The following RBFOX3 variants were observed in gnomAD, a reference collection of about 807,000 sequenced individuals.
RBFOX3 encodes RNA binding fox-1 homolog 3, also known as RNA binding protein fox-1 homolog 3.
In RBFOX3, 17 loss-of-function variants were observed where a neutral mutation model predicts 48.7. The observed-to-expected ratio is 0.35, with a 90% CI of 0.24 to 0.52. RBFOX3 has a LOEUF of 0.52. Ranked by LOEUF, RBFOX3 falls within the 20% of genes least tolerant of loss-of-function variation. RBFOX3 has a pLI of 0.94. For synonymous variants in RBFOX3, 212 were observed against 209.5 expected, an observed-to-expected ratio of 1.01 and a Z score of -0.10; for missense variants, 382 against 497.5, an observed-to-expected ratio of 0.77 and a Z score of 2.21.
chr17:79,494,647 G>A (rs990744889), intron 1 of RBFOX3, among the ~76,000 whole-genome samples: 9 of 152,366 alleles, frequency 5.9e-5, no homozygotes, highest in Admixed American at 2.0e-4. Flanking sequence ...AGCGGGAGGC[G>A]TGGAGCAGAG....
At chr17:79,239,232 G>A (rs1352259550) in intron 3 of RBFOX3, among the ~76,000 whole-genome samples, 7 of 152,248 alleles carry the variant, frequency 4.6e-5, no homozygotes, top group South Asian at 2.1e-4. Context: ...TCCTGGGGGC[G>A]GGGGAAGGAG....
intron 4 of RBFOX3, among the ~76,000 whole-genome samples, chr17:79,163,296 AGGCCCGGGGCCTCAC>A (rs2047339501): frequency 1.3e-5 from 2 of 152,180 alleles, no homozygotes; most frequent in Non-Finnish European, 2.9e-5. Context: ...GGAAAGCCGC[AGGCCCGGGGCCTCAC>A]GGCCTCAGTG....
rs535951280 is a variant in RBFOX3, at chr17:79,299,189, C to T, written c.-74+8535G>A. 2.5e-4 allele frequency among the ~76,000 whole-genome samples: 38 copies of T among 150,858 alleles called. No homozygotes were observed. The highest frequency in any genetic ancestry group is 7.9e-4 in the Admixed American group (12 of 15,156). ...GGCCAGAGAGGGTGGGATGTGAGGG[C>T]GGGTCCCATTCCTGAAAGTAAACCT... On this transcript the variant is annotated intron_variant, in intron 3 of 14. Coordinates refer to ENST00000693108, the MANE Select transcript of RBFOX3 (RefSeq NM_001350451.2). This position sits in a 1 kb window ranked among gnomAD's most constrained non-coding sequence, Gnocchi z 4.5.
intron 2 of RBFOX3, among the ~76,000 whole-genome samples, chr17:79,330,905 C>T (rs889943225): frequency 3.9e-5 from 6 of 152,208 alleles, no homozygotes; most frequent in African/African-American, 1.2e-4. Flanking sequence ...GGGCAGCCGT[C>T]GGCCACGTCT....
chr17:79,145,666 G>A lies in RBFOX3; in HGVS notation c.-33-29918C>T, dbSNP rs541135574. ...GCAGGGAGGAAATGGGGCATTCGCCGCTCTGTGGTTGTGTTTTTTCTGCCA... is the reference window on the plus strand; with the variant it reads ...GCAGGGAGGAAATGGGGCATTCGCCACTCTGTGGTTGTGTTTTTTCTGCCA... On this transcript the variant is annotated intron_variant, in intron 4 of 14. Transcript: ENST00000693108. Among the ~76,000 whole-genome samples the A allele has an allele frequency of 1.6e-4, 24 of 152,356 alleles. 1 individual carries two copies. Among genetic ancestry groups the A allele is most frequent in the African/African-American group, 4.3e-4 (18 of 41,590 alleles).
intron 2 of RBFOX3, among the ~76,000 whole-genome samples, chr17:79,456,025 A>G (rs2074421222): frequency 6.9e-6 from 1 of 144,714 alleles, no homozygotes; most frequent in African/African-American, 2.5e-5. Context: ...AGGACATCAC[A>G]CTGACCAGGT....
intron 4 of RBFOX3, chr17:79,183,232 C>G (rs1328104594): frequency 6.7e-6 from 1 of 150,302 alleles, no homozygotes; most frequent in Non-Finnish European, 1.5e-5. Flanking sequence ...TGCGCCGGGC[C>G]GGGGGCCGGG....
chr17:79,244,766 C>T (rs1186381212), intron 3 of RBFOX3, among the ~76,000 whole-genome samples: 1 of 86,918 alleles, frequency 1.2e-5, no homozygotes, highest in South Asian at 3.8e-4. Context: ...TCCTTTTCTT[C>T]CTTCCTTCCT....
chr17:79,429,600 G>A (rs1453703157), intron 2 of RBFOX3, among the ~76,000 whole-genome samples: 2 of 152,230 alleles, frequency 1.3e-5, no homozygotes, highest in East Asian at 3.9e-4. Flanking sequence ...CCTCAAGGGG[G>A]CACCTGGGGA....
intron 4 of RBFOX3, among the ~76,000 whole-genome samples, chr17:79,228,625 G>A (rs970026332): frequency 2.6e-5 from 4 of 152,210 alleles, no homozygotes; most frequent in East Asian, 1.9e-4. Context: ...GAACTTGAGC[G>A]TTTGGGAGCT....
intron 4 of RBFOX3, among the ~76,000 whole-genome samples, chr17:79,172,159 G>A (rs2145774116): frequency 1.6e-5 from 2 of 126,936 alleles, no homozygotes; most frequent in Admixed American, 8.8e-5. Flanking sequence ...GGGCGACAGA[G>A]TGAGAGTCCG....
intron 4 of RBFOX3, among the ~76,000 whole-genome samples, chr17:79,197,388 C>CTTTTTTT (rs72118967): frequency 3.5e-5 from 4 of 112,800 alleles, no homozygotes; most frequent in South Asian, 2.9e-4. Flanking sequence ...TTCTTTCTTT[C>CTTTTTTT]TTTTTTTTTT....
chr17:79,247,310 A>ATTTTTTTTTTTT, intron 3 of RBFOX3, among the ~76,000 whole-genome samples: 1 of 116,568 alleles, frequency 8.6e-6, no homozygotes, highest in Non-Finnish European at 1.7e-5. Context: ...ACATAATCGT[A>ATTTTTTTTTTTT]TTTTTTTTTT....
chr17:79,521,926 G>A (rs1303719583), intron 1 of RBFOX3, among the ~76,000 whole-genome samples: 1 of 152,188 alleles, frequency 6.6e-6, no homozygotes, highest in African/African-American at 2.4e-5. Context: ...GTGGACATGG[G>A]AGTTTTTCAG....
chr17:79,376,964 A>G (rs1231722336), intron 2 of RBFOX3, among the ~76,000 whole-genome samples: 1 of 152,044 alleles, frequency 6.6e-6, no homozygotes, highest in African/African-American at 2.4e-5. Flanking sequence ...CCCTCCCGCC[A>G]GTACCTCCTG....
At chr17:79,239,605 C>A (rs1430493850) in intron 3 of RBFOX3, among the ~76,000 whole-genome samples, 1 of 152,196 alleles carries the variant, frequency 6.6e-6, no homozygotes, top group Non-Finnish European at 1.5e-5. Context: ...CAACTCCACA[C>A]TCTTCCTGGG....
At chr17:79,433,446 C>T (rs1428030154) in intron 2 of RBFOX3, among the ~76,000 whole-genome samples, 1 of 152,112 alleles carries the variant, frequency 6.6e-6, no homozygotes, top group African/African-American at 2.4e-5. Flanking sequence ...ATTACTCCAC[C>T]CTGTGACATT....
intron 1 of RBFOX3, among the ~76,000 whole-genome samples, chr17:79,590,287 C>T (rs999097574): frequency 6.6e-6 from 1 of 152,242 alleles, no homozygotes; most frequent in Admixed American, 6.5e-5. Context: ...ACATTACTGT[C>T]GTTTTAAAAG....
At chr17:79,196,830 C>T (rs541622151) in intron 4 of RBFOX3, among the ~76,000 whole-genome samples, 97 of 152,322 alleles carry the variant, frequency 6.4e-4, no homozygotes, top group African/African-American at 1.9e-3. Context: ...ATCGGGTTTA[C>T]CTTCCTAATT....
Sources: allele counts gnomAD v4.1 joint callset (sites outside exome capture counted in the v4.1 genomes callset), GRCh38; gene constraint gnomAD v4.1.1; non-coding constraint Gnocchi (gnomAD v3.1); transcripts MANE v1.5; gene names NCBI Gene and HGNC (gene_info 2026-07-23, HGNC 2026-07-21).